SFXN3: variants seen among roughly 807,000 people sequenced by gnomAD.
SFXN3 encodes the protein sideroflexin 3.
SFXN3 carries 31 observed loss-of-function variants against 40.4 expected under a neutral mutation model. The observed-to-expected ratio is 0.77, with a 90% CI of 0.58 to 1.04. The LOEUF is 1.04. Among genes scored for constraint, SFXN3 ranks in the 50% least tolerant of loss-of-function variants. The probability of loss-of-function intolerance (pLI) is 0.00; values close to 1 mark genes in which losing one functional copy is unlikely to be tolerated. For synonymous variants in SFXN3, 157 were observed against 160.0 expected, an observed-to-expected ratio of 0.98 and a Z score of 0.14; for missense variants, 366 against 408.2, an observed-to-expected ratio of 0.90 and a Z score of 0.89.
chr10:101,036,335 C>T lies in SFXN3; in HGVS notation c.432-151C>T, dbSNP rs566001980. Reference sequence around the variant, plus strand: ...ACAGGGTGCTACTGGGGCTTCTAGACAAGTTTACGCCGGAGATGGAGGGAA... The same window carrying T: ...ACAGGGTGCTACTGGGGCTTCTAGATAAGTTTACGCCGGAGATGGAGGGAA... On this transcript the variant is annotated intron_variant, in intron 5 of 11. Transcript: ENST00000393459. The surrounding 1 kb of genome is among the most constrained non-coding windows in gnomAD (Gnocchi z 4.2). 4.9e-6 allele frequency: 4 copies of T among 815,250 alleles called. No individual in the cohort carries two copies. Among genetic ancestry groups the T allele is most frequent in the East Asian group, 2.7e-5 (1 of 37,466 alleles). The allele number at this position is 815,250 out of a possible 1,614,324, so 50.5% of individuals were successfully genotyped here.
chr10:101,034,959 C>G, intron 3 of SFXN3, 104 bp downstream of exon 3: 1 of 1,387,884 alleles, frequency 7.2e-7, no homozygotes, highest in South Asian at 1.3e-5. Flanking sequence ...GACCCTGTCC[C>G]TCAATCCCCT....
chr10:101,039,599 C>T lies in SFXN3; in HGVS notation c.*14C>T, dbSNP rs1380888090. 16 of 1,609,482 alleles carry T rather than the reference C, an allele frequency of 9.9e-6. No homozygotes were observed. The highest frequency in any genetic ancestry group is 1.3e-5 in the Non-Finnish European group (15 of 1,175,824). On this transcript the variant is annotated 3_prime_UTR_variant, in exon 12 of 12. Transcript: ENST00000393459. The surrounding 1 kb of genome is among the most constrained non-coding windows in gnomAD (Gnocchi z 4.6). ...AAGGGGCTTTGAGGAGGGTCAGCCT[C>T]TGTCCCCTCCCTCACTTCCTTGGGC...
chr10:101,040,923 C>A (rs954321660), exon 12 of SFXN3: 6 of 152,294 alleles, frequency 3.9e-5, no homozygotes, highest in African/African-American at 1.4e-4. Flanking sequence ...AAAACCCCCA[C>A]CTTAACCTCT....
At chr10:101,035,836 G>T in intron 4 of SFXN3, 167 bp from the exon 5 acceptor site, 2 of 1,139,450 alleles carry the variant, frequency 1.8e-6, no homozygotes, top group Non-Finnish European at 1.3e-6. Context: ...CAGTAGGTGT[G>T]TTTGTATAAA....
Position 101,034,818 on chromosome 10 carries a change from C to G in SFXN3, c.124C>G (p.Gln42Glu), listed in dbSNP as rs777282256. 4 of 1,614,108 alleles carry G rather than the reference C, an allele frequency of 2.5e-6. No homozygotes were observed. In the African/African-American group the frequency reaches 5.3e-5, roughly 22 times the overall value. The change falls in exon 3 of 12, where the codon CAG becomes GAG. Residue 42 changes from glutamine (Q) to glutamate (E), a missense_variant. Coordinates refer to ENST00000393459, the Ensembl canonical transcript of SFXN3. The stretch of plus-strand genomic sequence containing the variant: ...TCGAAATCTGCTGCTGTCCGGGGCA[C>G]AGCTGGAAGCTTCTCGGAACATCGT...
Position 101,039,125 on chromosome 10 carries a change from C to G in SFXN3, c.822-50C>G. On this transcript the variant is annotated intron_variant, in intron 10 of 11. Coordinates refer to ENST00000393459, the Ensembl canonical transcript of SFXN3. This position sits in a 1 kb window ranked among gnomAD's most constrained non-coding sequence, Gnocchi z 4.6. ...GATGGGGTGGGGTGCAGGGAGGGAA[C>G]ACCCTAAGGCCAAAGCTTTACAAAC... 6.5e-7 allele frequency: 1 copy of G among 1,535,224 alleles called. No individual in the cohort carries two copies. Among genetic ancestry groups the G allele is most frequent in the Non-Finnish European group, 9.0e-7 (1 of 1,108,252 alleles).
Position 101,032,317 on chromosome 10 carries a change from C to A in SFXN3, c.-169C>A. 1.2e-6 allele frequency: 1 copy of A among 803,788 alleles called. No homozygotes were observed. Among genetic ancestry groups the A allele is most frequent in the Non-Finnish European group, 1.9e-6 (1 of 532,798 alleles). 49.8% of individuals were successfully genotyped at this position (803,788 alleles called of 1,614,324 possible). A position where few individuals can be genotyped will look rare whatever the true frequency, so the allele number is the denominator to read the frequency against. ...GAATGACACCCACCGCCCTCAGGTTCTGCCAATCCCCGTGCCCACCGGGTG... is the reference window on the plus strand; with the variant it reads ...GAATGACACCCACCGCCCTCAGGTTATGCCAATCCCCGTGCCCACCGGGTG... On this transcript the variant is annotated 5_prime_UTR_variant, in exon 2 of 12. In the 5' UTR this introduces an upstream ATG that the reference lacks. Coordinates refer to ENST00000393459, the Ensembl canonical transcript of SFXN3.
chr10:101,037,949 AG>A, intron 9 of SFXN3: 1 of 680,588 alleles, frequency 1.5e-6, no homozygotes, highest in Non-Finnish European at 1.8e-6. Context: ...TGAAGTTTAT[AG>A]TCTGATGCAG....
At chr10:101,034,650 G>A in intron 2 of SFXN3, 42 bp from the exon 3 acceptor site, 1 of 1,604,386 alleles carries the variant, frequency 6.2e-7, no homozygotes, top group Non-Finnish European at 8.5e-7. Flanking sequence ...GGAGCCCTTG[G>A]ACCCTTGGAC....
At chr10:101,035,843 T>C (rs1938571285) in intron 4 of SFXN3, 160 bp from the exon 5 acceptor site, 2 of 1,111,274 alleles carry the variant, frequency 1.8e-6, no homozygotes, top group Admixed American at 4.1e-5. Flanking sequence ...TGTGTTTGTA[T>C]AAATGGGGGT....
Position 101,036,353 on chromosome 10 carries a change from G to A in SFXN3, c.432-133G>A. 3 of 892,758 alleles carry A rather than the reference G, an allele frequency of 3.4e-6. No individual in the cohort carries two copies. The highest frequency in any genetic ancestry group is 2.3e-5 in the Admixed American group (1 of 43,480). The allele number at this position is 892,758 out of a possible 1,614,324, so 55.3% of individuals were successfully genotyped here. A position where few individuals can be genotyped will look rare whatever the true frequency, so the allele number is the denominator to read the frequency against. On this transcript the variant is annotated intron_variant, in intron 5 of 11. Transcript: ENST00000393459. This position sits in a 1 kb window ranked among gnomAD's most constrained non-coding sequence, Gnocchi z 4.2. ...TTCTAGACAAGTTTACGCCGGAGATGGAGGGAAGGCTTCTTCTGCAAGGAG... is the reference window on the plus strand; with the variant it reads ...TTCTAGACAAGTTTACGCCGGAGATAGAGGGAAGGCTTCTTCTGCAAGGAG...
chr10:101,037,830 G>T, intron 9 of SFXN3: 1 of 1,092,276 alleles, frequency 9.2e-7, no homozygotes, highest in South Asian at 3.1e-5. Flanking sequence ...ACAAGCTCTG[G>T]CTCATTCACA....
intron 2 of SFXN3, among the ~76,000 whole-genome samples, chr10:101,033,238 C>A (rs1020012579): frequency 6.6e-6 from 1 of 152,146 alleles, no homozygotes; most frequent in African/African-American, 2.4e-5. Flanking sequence ...GGGTTTGTAT[C>A]CAGGTCTCAG....
chr10:101,032,627 G>T (rs1312649366), intron 2 of SFXN3, 145 bp downstream of exon 2: 25 of 955,312 alleles, frequency 2.6e-5, no homozygotes, highest in Non-Finnish European at 3.5e-5. Context: ...AGGTTGGGGG[G>T]AGGAATGTCA....
rs1459700709 is a variant in SFXN3, at chr10:101,036,629, C to T, written c.507+68C>T. 1.2e-6 allele frequency: 2 copies of T among 1,612,538 alleles called. No homozygotes were observed. Among genetic ancestry groups the T allele is most frequent in the African/African-American group, 1.3e-5 (1 of 74,984 alleles). ...TCTGCCTCCTTCTTCCTCATCACAC[C>T]TCCAGTTCTGACCTATATGCCCCCT... On this transcript the variant is annotated intron_variant, in intron 6 of 11. Coordinates refer to ENST00000393459, the Ensembl canonical transcript of SFXN3. The surrounding 1 kb of genome is among the most constrained non-coding windows in gnomAD (Gnocchi z 4.2).
intron 1 of SFXN3, among the ~76,000 whole-genome samples, chr10:101,031,846 G>C (rs978819933): frequency 4.6e-5 from 7 of 152,134 alleles, no homozygotes; most frequent in African/African-American, 1.7e-4. Context: ...AGCAGGGAGA[G>C]GGCTGGGGAC....
In SFXN3 at chr10:101,035,983, G is replaced by A. The variant is rs1176652580; in HGVS notation, c.333-20G>A. ...GGGCCACTGTAGACGGGGCAGAAGT[G>A]AGTGTCTTTGTTCCCTCAGGAAGAC... is the stretch of plus-strand genomic sequence containing the variant. On this transcript the variant is annotated intron_variant, in intron 4 of 11. Transcript: ENST00000393459. 6.2e-7 allele frequency: 1 copy of A among 1,601,840 alleles called. No individual in the cohort carries two copies. Among genetic ancestry groups the A allele is most frequent in the South Asian group, 1.1e-5 (1 of 90,832 alleles).
chr10:101,032,505 G>T (rs1304715453), intron 2 of SFXN3, 23 bp downstream of exon 2: 3 of 1,533,254 alleles, frequency 2.0e-6, no homozygotes, highest in East Asian at 2.6e-5. Context: ...TCTCCCCGGC[G>T]GGCGGGGTTC....
At chr10:101,033,423 T>C (rs536194327) in intron 2 of SFXN3, among the ~76,000 whole-genome samples, 75 of 152,240 alleles carry the variant, frequency 4.9e-4, no homozygotes, top group African/African-American at 1.6e-3. Context: ...AGGAGATCTG[T>C]TTTCCTGTTT....
Sources: allele counts gnomAD v4.1 joint callset (sites outside exome capture counted in the v4.1 genomes callset), GRCh38; gene constraint gnomAD v4.1.1; non-coding constraint Gnocchi (gnomAD v3.1); transcripts MANE v1.5; gene names NCBI Gene and HGNC (gene_info 2026-07-23, HGNC 2026-07-21).